Variants in HMCN2 observed in about 807,000 individuals in gnomAD.
HMCN2 encodes the protein hemicentin-2.
HMCN2 carries 325 observed loss-of-function variants against 377.5 expected under a neutral mutation model. That is an observed-to-expected ratio of 0.86 (90% CI 0.79 to 0.94). The LOEUF (loss-of-function observed/expected upper bound fraction) is 0.94, where lower values mean the gene tolerates loss of function less well. Among genes scored for constraint, HMCN2 ranks in the 40% least tolerant of loss-of-function variants. The probability of loss-of-function intolerance (pLI) is 0.00; values close to 1 mark genes in which losing one functional copy is unlikely to be tolerated. For synonymous variants in HMCN2, 2,007 were observed against 2,046.8 expected, an observed-to-expected ratio of 0.98 and a Z score of 0.53; for missense variants, 4,543 against 4,725.3, an observed-to-expected ratio of 0.96 and a Z score of 1.13.
chr9:130,410,779 C>T (rs1258558338), intron 85 of HMCN2, 127 bp downstream of exon 85: 3 of 789,518 alleles, frequency 3.8e-6, no homozygotes, highest in East Asian at 2.7e-5. Flanking sequence ...TTACTTGGAA[C>T]ACACACTGAA....
At position 130,428,331 on chromosome 9, in the gene HMCN2, C is replaced by T. The variant is rs760551380; in HGVS notation, c.14066-27C>T. 7.5e-5 allele frequency: 114 copies of T among 1,510,614 alleles called. No homozygotes were observed. Among genetic ancestry groups the T allele is most frequent in the Middle Eastern group, 3.4e-4 (2 of 5,878 alleles). 93.6% of individuals were successfully genotyped at this position (1,510,614 alleles called of 1,614,324 possible). A position where few individuals can be genotyped will look rare whatever the true frequency, so the allele number is the denominator to read the frequency against. ...GGCACGCCTGGGGATCATGTTCACACAGCCGTCTGCCCTGATCTGCCCCCA... is the reference window on the plus strand; with the variant it reads ...GGCACGCCTGGGGATCATGTTCACATAGCCGTCTGCCCTGATCTGCCCCCA... On this transcript the variant is annotated intron_variant, in intron 92 of 97. Coordinates refer to ENST00000683500, the MANE Select transcript of HMCN2 (RefSeq NM_001291815.2). The surrounding 1 kb of genome is among the most constrained non-coding windows in gnomAD (Gnocchi z 5.0).
intron 1 of HMCN2, among the ~76,000 whole-genome samples, chr9:130,266,693 T>C (rs1159624268): frequency 6.6e-6 from 1 of 152,230 alleles, no homozygotes; most frequent in African/African-American, 2.4e-5. Context: ...CTGTCTTCCC[T>C]GGGGAAAGGG....
At chr9:130,417,528 A>C (rs1030124015) in intron 85 of HMCN2, among the ~76,000 whole-genome samples, 1 of 143,920 alleles carries the variant, frequency 6.9e-6, no homozygotes, top group African/African-American at 2.6e-5. Context: ...TCTCAAAAAA[A>C]AAAAAAAAAC....
intron 96 of HMCN2, 48 bp from the exon 97 acceptor site, chr9:130,432,381 C>T: frequency 1.9e-6 from 3 of 1,547,102 alleles, no homozygotes; most frequent in Non-Finnish European, 2.6e-6. Context: ...TTCTCCTTTG[C>T]TCCATCTTTT....
rs944246201 is a variant in HMCN2, at chr9:130,403,391, G to GGC, written c.12013+63_12013+64insGC. The GGC allele has an allele frequency of 6.3e-6, 8 of 1,276,894 alleles. No individual in the cohort carries two copies. In the African/African-American group the frequency reaches 1.2e-4, roughly 19 times the overall value. 79.1% of individuals were successfully genotyped at this position (1,276,894 alleles called of 1,614,324 possible). A position where few individuals can be genotyped will look rare whatever the true frequency, so the allele number is the denominator to read the frequency against. Reference sequence around the variant, plus strand: ...AAGAGCGTGGGTCTGGGCAGGGGGGGAGTCCTGCTTCCTGCCCTGGGAGAC... The same window carrying GGC: ...AAGAGCGTGGGTCTGGGCAGGGGGGGGCAGTCCTGCTTCCTGCCCTGGGAGAC... On this transcript the variant is annotated intron_variant, in intron 79 of 97. Coordinates refer to ENST00000683500, the MANE Select transcript of HMCN2 (RefSeq NM_001291815.2).
intron 25 of HMCN2, among the ~76,000 whole-genome samples, chr9:130,343,957 C>T (rs1198931518): frequency 3.3e-5 from 5 of 152,306 alleles, no homozygotes; most frequent in East Asian, 3.9e-4. Flanking sequence ...GGCCCAGAGC[C>T]TGGACACCCA....
chr9:130,267,864 C>T (rs1834209031), intron 1 of HMCN2, among the ~76,000 whole-genome samples: 1 of 152,224 alleles, frequency 6.6e-6, no homozygotes, highest in Admixed American at 6.5e-5. Flanking sequence ...TGTTCTGGCA[C>T]TTAAGCTGGA....
intron 1 of HMCN2, among the ~76,000 whole-genome samples, chr9:130,272,394 C>T (rs1834451608): frequency 6.7e-6 from 1 of 148,332 alleles, no homozygotes; most frequent in Non-Finnish European, 1.5e-5. Context: ...ATGTGTGCCA[C>T]CATGCCTAGC....
chr9:130,274,294 G>A (rs1264960474), intron 1 of HMCN2, among the ~76,000 whole-genome samples: 1 of 152,152 alleles, frequency 6.6e-6, no homozygotes, highest in African/African-American at 2.4e-5. Flanking sequence ...GACCTCAGGT[G>A]ATCTGCCCAC....
chr9:130,416,456 TC>T (rs35953865), intron 85 of HMCN2, among the ~76,000 whole-genome samples: 5,150 of 152,236 alleles, frequency 0.034, 217 homozygotes, highest in African/African-American at 0.096. Context: ...CGTAGACTCT[TC>T]TTTTGCACAT....
In HMCN2 at chr9:130,403,841, C is replaced by G. The variant is rs1052873935; in HGVS notation, c.12114C>G (p.Gly4038=). The G allele has an allele frequency of 1.0e-5, 13 of 1,289,642 alleles. No individual in the cohort carries two copies. Among genetic ancestry groups the G allele is most frequent in the African/African-American group, 4.6e-5 (3 of 65,864 alleles). The allele number at this position is 1,289,642 out of a possible 1,614,324, so 79.9% of individuals were successfully genotyped here. ...TCTGCATCGCTAAGAACAGTGCGGG[C>G]AGTGCCATGGGGAAGACGCGGCTGG... ...NYLCIAKNSA[G]SAMGKTRLVV... Residue 4038 remains glycine (G), a synonymous_variant, in exon 80 of 98, where the codon GGC becomes GGG. Transcript: ENST00000683500.
chr9:130,425,517 C>G (rs1844283508), intron 89 of HMCN2, among the ~76,000 whole-genome samples, 170 bp from the exon 90 acceptor site: 1 of 151,886 alleles, frequency 6.6e-6, no homozygotes, highest in Non-Finnish European at 1.5e-5. Flanking sequence ...CATCTCTTCC[C>G]AAGGCTCACC....
chr9:130,378,060 G>A (rs575046066), intron 53 of HMCN2, among the ~76,000 whole-genome samples: 7 of 152,058 alleles, frequency 4.6e-5, no homozygotes, highest in East Asian at 3.9e-4. Flanking sequence ...GAGCCAGAAC[G>A]CCACACTCTT....
rs149431710 is a variant in HMCN2 at position 130,396,884 on chromosome 9, C to T, written c.11198+571C>T. On this transcript the variant is annotated intron_variant, in intron 73 of 97. Coordinates refer to ENST00000683500, the MANE Select transcript of HMCN2 (RefSeq NM_001291815.2). ...TGCTCTCAGGAAGAGCAGGGTGCTGCGCCTTCTGCGTCTCAGGAGAGGTCA... is the reference window on the plus strand; with the variant it reads ...TGCTCTCAGGAAGAGCAGGGTGCTGTGCCTTCTGCGTCTCAGGAGAGGTCA... Among the ~76,000 whole-genome samples the T allele has an allele frequency of 6.1e-4, 93 of 152,302 alleles. 1 individual carries two copies. Among genetic ancestry groups the T allele is most frequent in the East Asian group, 4.4e-3 (23 of 5,180 alleles).
chr9:130,402,649 C>T (rs559290048), intron 77 of HMCN2, 140 bp from the exon 78 acceptor site: 1 of 416,244 alleles, frequency 2.4e-6, no homozygotes, highest in East Asian at 7.4e-5. Flanking sequence ...CCCATACAGT[C>T]ACATCCCCCA....
At chr9:130,321,687 C>T (rs1366811352) in intron 18 of HMCN2, 100 bp from the exon 19 acceptor site, 2 of 152,232 alleles carry the variant, frequency 1.3e-5, no homozygotes, top group African/African-American at 4.8e-5. Flanking sequence ...CCTGGCTGCT[C>T]CCTACTGGCC....
chr9:130,316,344 G>T (rs1272874206), intron 15 of HMCN2, among the ~76,000 whole-genome samples: 3 of 151,832 alleles, frequency 2.0e-5, no homozygotes, highest in Admixed American at 6.6e-5. Context: ...CTCAGTGGAA[G>T]GTCTGGGCTG....
chr9:130,422,621 G>T lies in HMCN2; in HGVS notation c.13276G>T (p.Gly4426Cys), dbSNP rs1455484403. 21 of 1,328,260 alleles carry T rather than the reference G, an allele frequency of 1.6e-5. No homozygotes were observed. In the Middle Eastern group the frequency reaches 5.8e-4, roughly 37 times the overall value. The allele number at this position is 1,328,260 out of a possible 1,614,324, so 82.3% of individuals were successfully genotyped here. Reference sequence around the variant, plus strand: ...GGGCAGCATGACTGGGGTGATAAATGGCCGGAAATTTGGCGTGGCCACACT... The same window carrying T: ...GGGCAGCATGACTGGGGTGATAAATTGCCGGAAATTTGGCGTGGCCACACT... ...SWGSMTGVIN[G>C]RKFGVATLNT... The change falls in exon 87 of 98, where the codon GGC becomes TGC. Residue 4426 changes from glycine (G) to cysteine (C), a missense_variant. Physicochemically the swap from Gly to Cys is radical, Grantham distance 159. This residue lies in a region of HMCN2 where 1,155 missense variants were observed against 1,157.7 expected (regional missense o/e 1.00). Coordinates refer to ENST00000683500, the MANE Select transcript of HMCN2 (RefSeq NM_001291815.2). The surrounding 1 kb of genome is among the most constrained non-coding windows in gnomAD (Gnocchi z 4.2).
At chr9:130,298,095 T>C (rs1234281613) in intron 7 of HMCN2, among the ~76,000 whole-genome samples, 1 of 152,164 alleles carries the variant, frequency 6.6e-6, no homozygotes, top group Non-Finnish European at 1.5e-5. Flanking sequence ...GCTGGGATTA[T>C]AGGTGCGCGC....
Sources: gnomAD v4.1 joint callset for allele counts (sites outside exome capture counted in the v4.1 genomes callset) on GRCh38, gnomAD v4.1.1 for gene constraint, gnomAD v4.1.1 regional missense constraint, Gnocchi (gnomAD v3.1) non-coding constraint, MANE v1.5 for transcripts, NCBI Gene and HGNC (gene_info 2026-07-23, HGNC 2026-07-21) for gene names.